The following LPAR3 variants were observed in gnomAD, a reference collection of about 807,000 sequenced individuals.
LPAR3 encodes lysophosphatidic acid receptor 3.
A neutral mutation model predicts 17.8 loss-of-function variants in LPAR3; 7 were observed. That is an observed-to-expected ratio of 0.39 (90% confidence interval 0.22 to 0.74). The LOEUF (loss-of-function observed/expected upper bound fraction) is 0.74, where lower values mean the gene tolerates loss of function less well. Ranked by LOEUF, LPAR3 falls within the 30% of genes least tolerant of loss-of-function variation. The pLI, the probability that LPAR3 is intolerant of heterozygous loss-of-function variation, is 0.40. For missense variants in LPAR3, 391 were observed against 453.4 expected (o/e 0.86, Z 1.25); for synonymous variants, 179 against 179.9 (o/e 0.99, Z 0.04).
In LPAR3 at chr1:84,865,918, A is replaced by C; in HGVS notation, c.203T>G (p.Leu68Arg). The C allele has an allele frequency of 6.2e-7, 1 of 1,614,158 alleles. No individual in the cohort carries two copies. The highest frequency in any genetic ancestry group is 8.5e-7 in the Non-Finnish European group (1 of 1,180,004). Residue 68 changes from leucine to arginine, a missense_variant, in exon 2 of 3, where the codon CTG (leucine) becomes CGG (arginine). Leu to Arg is a moderately radical substitution (Grantham distance 102). Transcript: ENST00000370611. ...NRKFHFPFYYLLANLAAADFF... is the reference protein window; with the variant it reads ...NRKFHFPFYYRLANLAAADFF... ...ATCGGCAGCAGCTAAATTAGCCAAC[A>C]GGTAGTAGAAGGGGAAATGAAATTT...
At chr1:84,880,980 T>C (rs1168720377) in intron 1 of LPAR3, among the ~76,000 whole-genome samples, 1 of 152,180 alleles carries the variant, frequency 6.6e-6, no homozygotes, top group Non-Finnish European at 1.5e-5. Flanking sequence ...CAGGGTTTCG[T>C]CATTTTTAGG....
At chr1:84,823,527 A>G (rs1659096937) in intron 2 of LPAR3, among the ~76,000 whole-genome samples, 2 of 152,172 alleles carry the variant, frequency 1.3e-5, no homozygotes, top group African/African-American at 4.8e-5. Context: ...TTTTGACTCT[A>G]ACAACTGGTT....
At chr1:84,832,227 G>T (rs1327283595) in intron 2 of LPAR3, among the ~76,000 whole-genome samples, 4 of 152,036 alleles carry the variant, frequency 2.6e-5, no homozygotes, top group African/African-American at 9.7e-5. Context: ...CCATAAACAG[G>T]CCCCCTCCCC....
intron 1 of LPAR3, among the ~76,000 whole-genome samples, chr1:84,869,460 C>T (rs1253915774): frequency 6.6e-6 from 1 of 152,016 alleles, no homozygotes; most frequent in Non-Finnish European, 1.5e-5. Context: ...AAAAAGATTG[C>T]ACAGGATGGA....
chr1:84,839,421 C>T (rs1284734092), intron 2 of LPAR3, among the ~76,000 whole-genome samples: 2 of 152,128 alleles, frequency 1.3e-5, no homozygotes, highest in African/African-American at 2.4e-5. Flanking sequence ...TGGCTGTAAT[C>T]CCAGCACTTT....
intron 1 of LPAR3, among the ~76,000 whole-genome samples, chr1:84,892,261 A>ATAAAT (rs1553150718): frequency 1.6e-4 from 17 of 107,770 alleles, no homozygotes; most frequent in African/African-American, 5.7e-4. Context: ...AAATAAATAA[A>ATAAAT]AACTAACCTA....
At chr1:84,848,409 G>A (rs1261422860) in intron 2 of LPAR3, among the ~76,000 whole-genome samples, 2 of 152,200 alleles carry the variant, frequency 1.3e-5, no homozygotes, top group East Asian at 3.9e-4. Context: ...CACATTCACA[G>A]AGCCTCCCTG....
intron 2 of LPAR3, among the ~76,000 whole-genome samples, chr1:84,864,677 G>A (rs2102764819): frequency 6.6e-6 from 1 of 152,208 alleles, no homozygotes; most frequent in Non-Finnish European, 1.5e-5. Flanking sequence ...CAGCAACTTG[G>A]GACGCTGAGG....
intron 2 of LPAR3, among the ~76,000 whole-genome samples, chr1:84,819,126 C>A (rs1340921181): frequency 2.0e-5 from 3 of 152,204 alleles, no homozygotes; most frequent in African/African-American, 4.8e-5. Flanking sequence ...ACACTCCCAC[C>A]TGGATTTTTT....
chr1:84,849,770 G>A (rs569667156), intron 2 of LPAR3, among the ~76,000 whole-genome samples: 2 of 152,272 alleles, frequency 1.3e-5, no homozygotes, highest in African/African-American at 2.4e-5. Context: ...AGGCCTCAAC[G>A]AAAATACTTC....
chr1:84,813,078 A>G lies in LPAR3; in HGVS notation c.*768T>C, dbSNP rs1658845825. 1 of 146,168 alleles carries G rather than the reference A, an allele frequency of 6.8e-6. No homozygotes were observed. Among genetic ancestry groups the G allele is most frequent in the Non-Finnish European group, 1.5e-5 (1 of 66,918 alleles). The allele number at this position is 146,168 out of a possible 1,614,324, so 9.1% of individuals were successfully genotyped here. A position where few individuals can be genotyped will look rare whatever the true frequency, so the allele number is the denominator to read the frequency against. ...GTCAGATTAAGCATTCCCCAATCCAATCCCCAGATATCTTTGAACAAAATC... is the reference window on the plus strand; with the variant it reads ...GTCAGATTAAGCATTCCCCAATCCAGTCCCCAGATATCTTTGAACAAAATC... On this transcript the variant is annotated 3_prime_UTR_variant, in exon 3 of 3. Transcript: ENST00000370611.
chr1:84,873,192 C>G (rs753030629), intron 1 of LPAR3, among the ~76,000 whole-genome samples: 1 of 152,122 alleles, frequency 6.6e-6, no homozygotes, highest in Non-Finnish European at 1.5e-5. Context: ...CTAAGGAAAT[C>G]TAAACAAAGT....
At chr1:84,873,026 C>T (rs1189134884) in intron 1 of LPAR3, among the ~76,000 whole-genome samples, 1 of 152,138 alleles carries the variant, frequency 6.6e-6, no homozygotes, top group Admixed American at 6.6e-5. Flanking sequence ...CATTCTACAA[C>T]ATTTCTGACC....
Position 84,865,575 on chromosome 1 carries a change from A to G in LPAR3, c.546T>C (p.Ile182=), listed in dbSNP as rs773690405. ...AGAAAACAAGGTAACTCCTGCTGTA[A>G]ATGGGGGCCAGGGAAGAGCAGGCAG... The part of the protein sequence containing the change: ...NISACSSLAP[I]YSRSYLVFWT... Residue 182 remains isoleucine, a synonymous_variant, in exon 2 of 3, where the codon ATT becomes ATC. Coordinates refer to ENST00000370611, the MANE Select transcript of LPAR3 (RefSeq NM_012152.3). 9 of 1,614,080 alleles carry G rather than the reference A, an allele frequency of 5.6e-6. No homozygotes were observed. Among genetic ancestry groups the G allele is most frequent in the Admixed American group, 3.3e-5 (2 of 60,002 alleles).
In LPAR3 at chr1:84,814,083, T is replaced by C. The variant is rs61737670; in HGVS notation, c.825A>G (p.Lys275=). The C allele has an allele frequency of 1.0e-3, 1,613 of 1,614,086 alleles. 21 individuals carry two copies. In the African/African-American group the frequency reaches 0.019, roughly 19 times the overall value. The stretch of plus-strand genomic sequence containing the variant: ...GCAGCGCCAGCAGCAGGAACCACCT[T>C]TTCACATGCTGCACGCCACACTGCC... ...NCRQCGVQHV[K]RWFLLLALLN... is the part of the protein sequence containing the mutation. The change falls in exon 3 of 3, where the codon AAA becomes AAG. Residue 275 remains lysine (K), a synonymous_variant. Coordinates refer to ENST00000370611, the MANE Select transcript of LPAR3 (RefSeq NM_012152.3).
At chr1:84,850,969 G>A (rs528232789) in intron 2 of LPAR3, among the ~76,000 whole-genome samples, 22 of 152,370 alleles carry the variant, frequency 1.4e-4, no homozygotes, top group Admixed American at 1.4e-3. Flanking sequence ...GTGGGCTGGT[G>A]AGATGGTGGC....
chr1:84,858,770 C>T (rs960933596), intron 2 of LPAR3, among the ~76,000 whole-genome samples: 37 of 152,166 alleles, frequency 2.4e-4, no homozygotes, highest in Admixed American at 2.0e-3. Context: ...AAGGTACAGT[C>T]CCTGACTTCG....
At chr1:84,854,842 T>C (rs1018827230) in intron 2 of LPAR3, among the ~76,000 whole-genome samples, 26 of 152,226 alleles carry the variant, frequency 1.7e-4, no homozygotes, top group African/African-American at 5.8e-4. Flanking sequence ...AGGCAAGAAG[T>C]TGGGACCCAC....
chr1:84,818,443 T>C (rs1225846418), intron 2 of LPAR3, among the ~76,000 whole-genome samples: 1 of 152,190 alleles, frequency 6.6e-6, no homozygotes, highest in African/African-American at 2.4e-5. Flanking sequence ...AATTCACATC[T>C]AATAATATGA....
Sources: gnomAD v4.1 joint callset for allele counts (sites outside exome capture counted in the v4.1 genomes callset) on GRCh38, gnomAD v4.1.1 for gene constraint, MANE v1.5 for transcripts, NCBI Gene and HGNC (gene_info 2026-07-23, HGNC 2026-07-21) for gene names.